HS3ST4: variants seen among roughly 807,000 people sequenced by gnomAD.
HS3ST4 encodes the protein heparan sulfate-glucosamine 3-sulfotransferase 4.
In HS3ST4, 17 loss-of-function variants were observed where a neutral mutation model predicts 29.2. The ratio of observed to expected loss-of-function variants is 0.58; its 90% CI spans 0.40 to 0.87. The LOEUF is 0.87. Among genes scored for constraint, HS3ST4 ranks in the 40% least tolerant of loss-of-function variants. HS3ST4 has a pLI of 0.00. For synonymous variants in HS3ST4, 314 were observed against 285.7 expected (o/e 1.10, Z -1.00); for missense variants, 627 against 634.5 (o/e 0.99, Z 0.13).
intron 1 of HS3ST4, among the ~76,000 whole-genome samples, chr16:25,734,905 A>T (rs906196068): frequency 6.6e-6 from 1 of 152,188 alleles, no homozygotes; most frequent in Non-Finnish European, 1.5e-5. Context: ...TTCCCACATC[A>T]TTCCTCCTGG....
intron 1 of HS3ST4, among the ~76,000 whole-genome samples, chr16:25,791,831 T>TA: frequency 6.6e-6 from 1 of 152,098 alleles, no homozygotes; most frequent in East Asian, 1.9e-4. Flanking sequence ...ATGACAGTTA[T>TA]ACTTTTTCCT....
At chr16:26,073,098 TCTTA>T (rs1234775377) in intron 1 of HS3ST4, among the ~76,000 whole-genome samples, 2 of 152,172 alleles carry the variant, frequency 1.3e-5, no homozygotes, top group Non-Finnish European at 2.9e-5. Context: ...GCATTACCAT[TCTTA>T]CTATTTTTCA....
At position 26,065,149 on chromosome 16, in the gene HS3ST4, T is replaced by A. The variant is rs540873120; in HGVS notation, c.735-70463T>A. On this transcript the variant is annotated intron_variant, in intron 1 of 1. Transcript: ENST00000331351. ...TATATACCCAAAGGAATATAAAACA[T>A]ACTATTATAAAGACACATGCATGCA... 3.3e-5 allele frequency among the ~76,000 whole-genome samples: 5 copies of A among 152,296 alleles called. No individual in the cohort carries two copies. The East Asian group carries it at 9.6e-4, about 29-fold the overall frequency.
chr16:26,041,492 G>A (rs112470317), intron 1 of HS3ST4, among the ~76,000 whole-genome samples: 2,525 of 152,058 alleles, frequency 0.017, 63 homozygotes, highest in African/African-American at 0.056. Context: ...ATTAAAAAAC[G>A]AACAAACAAA....
chr16:25,945,484 G>T (rs1017412428), intron 1 of HS3ST4, among the ~76,000 whole-genome samples: 9 of 49,800 alleles, frequency 1.8e-4, no homozygotes, highest in African/African-American at 1.7e-3. Flanking sequence ...TTGTACCTGG[G>T]TGAGTGTCCT....
intron 1 of HS3ST4, among the ~76,000 whole-genome samples, chr16:25,994,773 C>T (rs903909149): frequency 3.3e-5 from 5 of 152,162 alleles, no homozygotes; most frequent in East Asian, 1.9e-4. Flanking sequence ...TTGTATCTCA[C>T]GAAAGCTCTT....
chr16:25,961,883 C>T (rs1968798395), intron 1 of HS3ST4, among the ~76,000 whole-genome samples: 1 of 152,170 alleles, frequency 6.6e-6, no homozygotes, highest in South Asian at 2.1e-4. Context: ...TGATTAACCT[C>T]TATTTTATAC....
chr16:25,882,529 T>C (rs1967904769), intron 1 of HS3ST4, among the ~76,000 whole-genome samples: 1 of 152,142 alleles, frequency 6.6e-6, no homozygotes, highest in South Asian at 2.1e-4. Flanking sequence ...TGTCTTTTGA[T>C]TGCAACTGTA....
chr16:25,931,926 G>A (rs1279960470), intron 1 of HS3ST4, among the ~76,000 whole-genome samples: 1 of 152,146 alleles, frequency 6.6e-6, no homozygotes, highest in Non-Finnish European at 1.5e-5. Flanking sequence ...CAGCTTGTGG[G>A]GGAAACAATT....
At chr16:25,717,425 G>A (rs1469413773) in intron 1 of HS3ST4, among the ~76,000 whole-genome samples, 1 of 152,086 alleles carries the variant, frequency 6.6e-6, no homozygotes, top group East Asian at 1.9e-4. Context: ...TTTAGTGAGA[G>A]ATCTAACCTA....
intron 1 of HS3ST4, among the ~76,000 whole-genome samples, chr16:26,014,958 G>A (rs1183175287): frequency 6.6e-6 from 1 of 152,196 alleles, no homozygotes; most frequent in African/African-American, 2.4e-5. Context: ...GTGAACTAGA[G>A]CTAATTGAAT....
intron 1 of HS3ST4, among the ~76,000 whole-genome samples, chr16:25,866,024 T>TGAG (rs1967690919): frequency 6.6e-6 from 1 of 152,186 alleles, no homozygotes; most frequent in Admixed American, 6.5e-5. Context: ...TAGTCAACAG[T>TGAG]GAGGAAACAA....
In HS3ST4 at chr16:25,739,607, C is replaced by T. The variant is rs115073367; in HGVS notation, c.734+46456C>T. ...ACTCCTGTTTCATTTTTCTGAGGAG[C>T]GATGACACTGTTCATCAGAGTCAAA... On this transcript the variant is annotated intron_variant, in intron 1 of 1. Transcript: ENST00000331351. Among the ~76,000 whole-genome samples, 320 of 152,230 alleles carry T rather than the reference C, an allele frequency of 2.1e-3. 1 individual carries two copies. Among genetic ancestry groups the T allele is most frequent in the African/African-American group, 7.4e-3 (306 of 41,540 alleles).
chr16:25,931,086 AAT>A (rs1415044059), intron 1 of HS3ST4, among the ~76,000 whole-genome samples: 1 of 152,074 alleles, frequency 6.6e-6, no homozygotes, highest in Non-Finnish European at 1.5e-5. Flanking sequence ...ATGAACTTTC[AAT>A]ATAGAGTTTT....
chr16:26,072,988 C>G (rs1401960644), intron 1 of HS3ST4, among the ~76,000 whole-genome samples: 1 of 152,122 alleles, frequency 6.6e-6, no homozygotes, highest in African/African-American at 2.4e-5. Context: ...GAGAAAAGAG[C>G]CTGTTTATGA....
chr16:25,811,182 AT>A (rs1330932049), intron 1 of HS3ST4, among the ~76,000 whole-genome samples: 3 of 151,360 alleles, frequency 2.0e-5, no homozygotes, highest in East Asian at 1.9e-4. Flanking sequence ...TTACATGTGG[AT>A]TTTTTTTTCA....
At chr16:25,941,418 C>T (rs1373596916) in intron 1 of HS3ST4, among the ~76,000 whole-genome samples, 2 of 152,000 alleles carry the variant, frequency 1.3e-5, no homozygotes, top group African/African-American at 2.4e-5. Context: ...CTTGGCCACC[C>T]GAAGTGCTAG....
At chr16:26,125,413 A>G (rs1242571549) in intron 1 of HS3ST4, among the ~76,000 whole-genome samples, 1 of 152,230 alleles carries the variant, frequency 6.6e-6, no homozygotes, top group Non-Finnish European at 1.5e-5. Context: ...TCACACTCCT[A>G]TGAGAATCTA....
intron 1 of HS3ST4, among the ~76,000 whole-genome samples, chr16:25,888,307 G>A (rs1474660841): frequency 6.6e-6 from 1 of 152,192 alleles, no homozygotes; most frequent in African/African-American, 2.4e-5. Flanking sequence ...GTCTTCAGGA[G>A]AAGTATGATC....
Sources: gnomAD v4.1 joint callset for allele counts (sites outside exome capture counted in the v4.1 genomes callset) on GRCh38, gnomAD v4.1.1 for gene constraint, MANE v1.5 for transcripts, NCBI Gene and HGNC (gene_info 2026-07-23, HGNC 2026-07-21) for gene names.